The following GDAP1 variants were observed in gnomAD, a reference collection of about 807,000 sequenced individuals.
The protein encoded by GDAP1 is ganglioside induced differentiation associated protein 1.
In GDAP1, 34 loss-of-function variants were observed where a neutral mutation model predicts 40.1. That is an observed-to-expected ratio of 0.85 (90% CI 0.64 to 1.13). The LOEUF is 1.13. Ranked by LOEUF, GDAP1 falls within the 50% of genes most tolerant of loss-of-function variation. The probability of loss-of-function intolerance (pLI) is 0.00; values close to 1 mark genes in which losing one functional copy is unlikely to be tolerated. For synonymous variants in GDAP1, 170 were observed against 157.4 expected, an observed-to-expected ratio of 1.08 and a Z score of -0.60; for missense variants, 374 against 433.7, an observed-to-expected ratio of 0.86 and a Z score of 1.22.
chr8:74,407,422 G>A (rs1457513591), intron 2 of GDAP1, among the ~76,000 whole-genome samples: 1 of 149,858 alleles, frequency 6.7e-6, no homozygotes, highest in Non-Finnish European at 1.5e-5. Flanking sequence ...CTGGCTACCA[G>A]TGTGGCTAGA....
At chr8:74,394,107 G>A (rs1810154975) in intron 2 of GDAP1, among the ~76,000 whole-genome samples, 1 of 152,198 alleles carries the variant, frequency 6.6e-6, no homozygotes. Flanking sequence ...TGGCTGGGGA[G>A]GCTTCACAAT....
downstream of GDAP1, among the ~76,000 whole-genome samples, chr8:74,369,461 A>G (rs376109798): frequency 7.2e-5 from 11 of 152,332 alleles, no homozygotes; most frequent in African/African-American, 2.6e-4. Context: ...AGAAAATTAC[A>G]TAAGTGAAAA....
intron 2 of GDAP1, among the ~76,000 whole-genome samples, chr8:74,443,494 T>C (rs1406001853): frequency 6.6e-6 from 1 of 152,156 alleles, no homozygotes; most frequent in East Asian, 1.9e-4. Context: ...AATCCAAACA[T>C]AAGCCCAGGC....
At chr8:74,445,586 G>T (rs1806217601) in intron 2 of GDAP1, among the ~76,000 whole-genome samples, 1 of 152,078 alleles carries the variant, frequency 6.6e-6, no homozygotes, top group Non-Finnish European at 1.5e-5. Context: ...ACATCTTTAT[G>T]TATATGCAAT....
intron 2 of GDAP1, among the ~76,000 whole-genome samples, chr8:74,429,726 A>G (rs1411745127): frequency 2.0e-5 from 3 of 152,202 alleles, no homozygotes; most frequent in Non-Finnish European, 4.4e-5. Context: ...AAATACAGTC[A>G]TACTTTGAAG....
At chr8:74,390,076 TC>T (rs1243704264) in intron 2 of GDAP1, among the ~76,000 whole-genome samples, 1 of 152,204 alleles carries the variant, frequency 6.6e-6, no homozygotes, top group African/African-American at 2.4e-5. Context: ...AGTTAGCAAT[TC>T]CTCTAACCTT....
At chr8:74,439,527 T>C (rs1806135114) in intron 2 of GDAP1, among the ~76,000 whole-genome samples, 1 of 152,048 alleles carries the variant, frequency 6.6e-6, no homozygotes, top group South Asian at 2.1e-4. Flanking sequence ...GGTCTTCATA[T>C]CTGGTAGGGA....
intron 2 of GDAP1, among the ~76,000 whole-genome samples, chr8:74,472,585 C>A (rs1806571003): frequency 1.3e-5 from 2 of 152,172 alleles, no homozygotes; most frequent in Admixed American, 1.3e-4. Flanking sequence ...TTCTCTGCAA[C>A]CTCACCAGCA....
chr8:74,357,261 C>A (rs1439677700), intron 2 of GDAP1, among the ~76,000 whole-genome samples: 2 of 152,168 alleles, frequency 1.3e-5, no homozygotes, highest in Non-Finnish European at 2.9e-5. Context: ...ATAATGCCTC[C>A]TTTATCTGCC....
At chr8:74,416,237 C>T (rs1394392167) in intron 2 of GDAP1, among the ~76,000 whole-genome samples, 1 of 149,910 alleles carries the variant, frequency 6.7e-6, no homozygotes, top group South Asian at 2.1e-4. Flanking sequence ...TGGCTTTGCC[C>T]CTCCACCTGC....
intron 2 of GDAP1, among the ~76,000 whole-genome samples, chr8:74,400,044 G>T (rs1358079210): frequency 6.8e-6 from 1 of 147,020 alleles, no homozygotes; most frequent in African/African-American, 2.7e-5. Context: ...GGGGTGGAGA[G>T]TTCTGTAGAT....
chr8:74,419,711 T>C (rs1805831943), intron 2 of GDAP1, among the ~76,000 whole-genome samples: 1 of 152,196 alleles, frequency 6.6e-6, no homozygotes, highest in Non-Finnish European at 1.5e-5. Context: ...GCTTTTGGTG[T>C]CATATCCAAG....
At chr8:74,429,247 A>G (rs927261358) in intron 2 of GDAP1, among the ~76,000 whole-genome samples, 2 of 152,036 alleles carry the variant, frequency 1.3e-5, no homozygotes, top group Non-Finnish European at 2.9e-5. Flanking sequence ...GGATGGCTGG[A>G]TCAAATGGTA....
intron 2 of GDAP1, among the ~76,000 whole-genome samples, chr8:74,464,422 C>T (rs2131581382): frequency 6.6e-6 from 1 of 152,158 alleles, no homozygotes; most frequent in Middle Eastern, 3.4e-3. Context: ...TCTGTAAGAC[C>T]CTAAGCAACA....
At chr8:74,412,788 G>T (rs554156333) in intron 2 of GDAP1, among the ~76,000 whole-genome samples, 1 of 149,440 alleles carries the variant, frequency 6.7e-6, no homozygotes, top group Admixed American at 6.6e-5. Flanking sequence ...GCTGGGTGCG[G>T]TGGCTCACGC....
intron 3 of GDAP1, 147 bp downstream of exon 3, chr8:74,360,457 C>T: frequency 1.3e-6 from 1 of 744,490 alleles, no homozygotes; most frequent in Non-Finnish European, 2.4e-6. Flanking sequence ...ATGGATCGAT[C>T]CATGAACCAG....
intron 2 of GDAP1, among the ~76,000 whole-genome samples, chr8:74,457,020 C>T (rs1458521704): frequency 6.6e-6 from 1 of 152,058 alleles, no homozygotes; most frequent in African/African-American, 2.4e-5. Context: ...ATGGCTACCC[C>T]TTACTTCTGT....
chr8:74,458,423 C>T (rs1306353502), intron 2 of GDAP1, among the ~76,000 whole-genome samples: 1 of 152,122 alleles, frequency 6.6e-6, no homozygotes, highest in Non-Finnish European at 1.5e-5. Flanking sequence ...TGGCCCATGG[C>T]CCACTTACAT....
chr8:74,480,584 T>C (rs549412133), intron 2 of GDAP1, among the ~76,000 whole-genome samples: 3 of 152,254 alleles, frequency 2.0e-5, no homozygotes, highest in Non-Finnish European at 4.4e-5. Context: ...ATTGTCATTG[T>C]CAGTCATAAA....
Sources: allele counts gnomAD v4.1 joint callset (sites outside exome capture counted in the v4.1 genomes callset), GRCh38; gene constraint gnomAD v4.1.1; transcripts MANE v1.5; gene names NCBI Gene and HGNC (gene_info 2026-07-23, HGNC 2026-07-21).